Variants in VIL1 observed in about 807,000 individuals in gnomAD.
VIL1 encodes the protein villin 1.
A neutral mutation model predicts 104.0 loss-of-function variants in VIL1; 86 were observed. The ratio of observed to expected loss-of-function variants is 0.83; its 90% CI spans 0.69 to 0.99. VIL1 has a LOEUF of 0.99. Ranked by LOEUF, VIL1 falls within the 50% of genes least tolerant of loss-of-function variation. The pLI is 0.00. For synonymous variants in VIL1, 394 were observed against 412.6 expected (o/e 0.95, Z 0.55); for missense variants, 944 against 1,054.1 (o/e 0.90, Z 1.45).
chr2:218,440,945 A>G, intron 19 of VIL1, 83 bp downstream of exon 19: 1 of 1,538,390 alleles, frequency 6.5e-7, no homozygotes, highest in Non-Finnish European at 8.8e-7. Flanking sequence ...CCTGCAGGTG[A>G]CTAGGTGCTG....
intron 19 of VIL1, among the ~76,000 whole-genome samples, chr2:218,443,490 C>T (rs957611453): frequency 2.0e-5 from 3 of 151,878 alleles, no homozygotes; most frequent in South Asian, 2.1e-4. Context: ...CCACCACGCC[C>T]GGCCAATAAT....
rs777462149 is a variant in VIL1, at chr2:218,434,615, C to T, written c.1590C>T (p.Ala530=). 1.2e-6 allele frequency: 2 copies of T among 1,614,060 alleles called. No homozygotes were observed. Among genetic ancestry groups the T allele is most frequent in the African/African-American group, 2.7e-5 (2 of 74,920 alleles). The part of the protein sequence containing the change: ...VQGTGANNTK[A]FEVPARANFL... ...GAACTGGCGCCAACAACACCAAGGC[C>T]TTTGAGGTCCCAGCGCGGGCCAATT... The change falls in exon 14 of 20, where the codon GCC becomes GCT. Residue 530 remains alanine, a synonymous_variant. Coordinates refer to ENST00000248444, the MANE Select transcript of VIL1 (RefSeq NM_007127.3).
Position 218,425,536 on chromosome 2 carries a change from A to G in VIL1, c.151-79A>G, listed in dbSNP as rs1009200242. On this transcript the variant is annotated intron_variant, in intron 3 of 19. Coordinates refer to ENST00000248444, the MANE Select transcript of VIL1 (RefSeq NM_007127.3). ...ACGCTCCCCCATAGTCCTGGACGGC[A>G]CGTGTGTGGGAGGTCACACAGAGCT... is the stretch of plus-strand genomic sequence containing the variant. The G allele has an allele frequency of 1.3e-5, 19 of 1,461,740 alleles. No individual in the cohort carries two copies. In the African/African-American group the frequency reaches 2.6e-4, roughly 20 times the overall value. 90.5% of individuals were successfully genotyped at this position (1,461,740 alleles called of 1,614,324 possible). A position where few individuals can be genotyped will look rare whatever the true frequency, so the allele number is the denominator to read the frequency against.
chr2:218,450,008 T>C lies in VIL1; in HGVS notation c.*672T>C, dbSNP rs1272418015. The C allele has an allele frequency of 6.6e-6, 1 of 152,252 alleles. No homozygotes were observed. The highest frequency in any genetic ancestry group is 1.5e-5 in the Non-Finnish European group (1 of 68,068). 9.4% of individuals were successfully genotyped at this position (152,252 alleles called of 1,614,324 possible). ...GCAAGAGCCTAGTGAAGGCCAATGC[T>C]AGGTTTACAAACTTACCCAGAAGCC... On this transcript the variant is annotated 3_prime_UTR_variant, in exon 20 of 20. Coordinates refer to ENST00000248444, the MANE Select transcript of VIL1 (RefSeq NM_007127.3).
chr2:218,432,467 T>A, intron 12 of VIL1: 1 of 692,022 alleles, frequency 1.4e-6, no homozygotes, highest in Non-Finnish European at 2.6e-6. Context: ...GAGCAGGGAG[T>A]GTGTCTAGGA....
chr2:218,434,740 A>G (rs1280973506), intron 14 of VIL1, 35 bp downstream of exon 14: 11 of 1,577,590 alleles, frequency 7.0e-6, no homozygotes, highest in Non-Finnish European at 9.5e-6. Context: ...CCCATCCGCA[A>G]GTGGGTCCTG....
chr2:218,421,751 C>G (rs2106389223), intron 1 of VIL1, among the ~76,000 whole-genome samples: 1 of 152,274 alleles, frequency 6.6e-6, no homozygotes, highest in South Asian at 2.1e-4. Flanking sequence ...TTTCAAGTCT[C>G]TGCTCCCCTG....
Position 218,431,119 on chromosome 2 carries a change from C to T in VIL1, c.1102+241C>T, listed in dbSNP as rs528913336. 85 of 581,324 alleles carry T rather than the reference C, an allele frequency of 1.5e-4. No individual in the cohort carries two copies. The East Asian group carries it at 2.3e-3, about 16-fold the overall frequency. 36.0% of individuals were successfully genotyped at this position (581,324 alleles called of 1,614,324 possible). Reference sequence around the variant, plus strand: ...ATCCCAGCACTTTGGGAGGCTGAGGCGGGTGGATCACCTGAGGTCAGGAGT... The same window carrying T: ...ATCCCAGCACTTTGGGAGGCTGAGGTGGGTGGATCACCTGAGGTCAGGAGT... On this transcript the variant is annotated intron_variant, in intron 10 of 19. Transcript: ENST00000248444.
chr2:218,437,235 A>T lies in VIL1; in HGVS notation c.2083A>T (p.Ile695Phe), dbSNP rs752830365. The T allele has an allele frequency of 6.2e-7, 1 of 1,614,166 alleles. No individual in the cohort carries two copies. The highest frequency in any genetic ancestry group is 8.5e-7 in the Non-Finnish European group (1 of 1,180,026). The change falls in exon 17 of 20, where the codon ATC becomes TTC. Residue 695 changes from isoleucine to phenylalanine, a missense_variant. Physicochemically the swap from Ile to Phe is conservative, Grantham distance 21. Coordinates refer to ENST00000248444, the MANE Select transcript of VIL1 (RefSeq NM_007127.3). Reference protein sequence around the residue: ...HPSGRDPETPIIVVKQGHEPP... With the variant: ...HPSGRDPETPFIVVKQGHEPP... Reference sequence around the variant, plus strand: ...CAGCGGGCGTGACCCTGAGACCCCCATCATTGTGGTGAAGCAGGGACACGA... The same window carrying T: ...CAGCGGGCGTGACCCTGAGACCCCCTTCATTGTGGTGAAGCAGGGACACGA...
In VIL1 at chr2:218,428,275, G is replaced by A; in HGVS notation, c.505G>A (p.Asp169Asn). 6.2e-7 allele frequency: 1 copy of A among 1,614,172 alleles called. No homozygotes were observed. The highest frequency in any genetic ancestry group is 8.5e-7 in the Non-Finnish European group (1 of 1,180,022). The change falls in exon 6 of 20, where the codon GAC (aspartate) becomes AAC (asparagine). Residue 169 changes from aspartate (D) to asparagine (N), a missense_variant. Transcript: ENST00000248444. ...CAACCGAGGGGATGTTTTCCTCCTGGACCTTGGGAAGCTTATCATCCAGTG... is the reference window on the plus strand; with the variant it reads ...CAACCGAGGGGATGTTTTCCTCCTGAACCTTGGGAAGCTTATCATCCAGTG... ...SFNRGDVFLLDLGKLIIQWNG... is the reference protein window; with the variant it reads ...SFNRGDVFLLNLGKLIIQWNG...
At chr2:218,431,068 G>C (rs1249905147) in intron 10 of VIL1, 190 bp downstream of exon 10, 1 of 783,722 alleles carries the variant, frequency 1.3e-6, no homozygotes, top group South Asian at 1.9e-5. Flanking sequence ...AGCTGAGAGG[G>C]CTGGGCATGG....
At chr2:218,430,926 G>A in intron 10 of VIL1, 48 bp downstream of exon 10, 1 of 1,577,832 alleles carries the variant, frequency 6.3e-7, no homozygotes, top group Non-Finnish European at 8.6e-7. Context: ...CAGGAGCTGG[G>A]CCAGGAGAGC....
intron 17 of VIL1, among the ~76,000 whole-genome samples, chr2:218,438,177 C>T (rs569573649): frequency 3.3e-5 from 5 of 152,092 alleles, no homozygotes; most frequent in Non-Finnish European, 5.9e-5. Flanking sequence ...CTCATTCATT[C>T]ATTCATTCAT....
At chr2:218,424,429 C>A in intron 3 of VIL1, 78 bp downstream of exon 3, 1 of 1,494,298 alleles carries the variant, frequency 6.7e-7, no homozygotes, top group East Asian at 2.3e-5. Flanking sequence ...GGCTGGGGGC[C>A]GTGGGGAGAG....
intron 4 of VIL1, among the ~76,000 whole-genome samples, chr2:218,427,705 C>T (rs533344378): frequency 7.9e-5 from 12 of 152,210 alleles, no homozygotes; most frequent in Admixed American, 5.2e-4. Context: ...TAGGGCAAGA[C>T]GAGTGAAGAT....
At position 218,429,886 on chromosome 2, in the gene VIL1, A is replaced by G; in HGVS notation, c.887A>G (p.Tyr296Cys). 12 of 1,609,738 alleles carry G rather than the reference A, an allele frequency of 7.5e-6. No individual in the cohort carries two copies. The highest frequency in any genetic ancestry group is 1.0e-5 in the Non-Finnish European group (12 of 1,177,476). Residue 296 changes from tyrosine to cysteine, a missense_variant, in exon 9 of 20, where the codon TAC becomes TGC. Transcript: ENST00000248444. ...YILDQGGLKI[Y>C]VWKGKKANEQ... is the part of the protein sequence containing the mutation. The stretch of plus-strand genomic sequence containing the variant: ...CTGGACCAGGGGGGCCTGAAGATCT[A>G]CGTGTGGAAAGGGAAGAAAGCCAAT...
chr2:218,440,948 A>G, intron 19 of VIL1, 86 bp downstream of exon 19: 12 of 1,530,320 alleles, frequency 7.8e-6, no homozygotes, highest in Non-Finnish European at 9.8e-6. Context: ...GCAGGTGACT[A>G]GGTGCTGGGG....
At chr2:218,437,335 G>A in intron 17 of VIL1, 23 bp downstream of exon 17, 1 of 1,609,316 alleles carries the variant, frequency 6.2e-7, no homozygotes, top group Non-Finnish European at 8.5e-7. Flanking sequence ...ATCCCAGCAT[G>A]TCCTTCTCTA....
Position 218,428,209 on chromosome 2 carries a change from T to G in VIL1, c.457-18T>G. The G allele has an allele frequency of 6.2e-7, 1 of 1,612,360 alleles. No homozygotes were observed. On this transcript the variant is annotated intron_variant, in intron 5 of 19. Transcript: ENST00000248444. ...GTGAGCTCTGAGTGGGGTCTGTGCCTCCCCTGTGGCTCCCTAGGTAGAGAT... is the reference window on the plus strand; with the variant it reads ...GTGAGCTCTGAGTGGGGTCTGTGCCGCCCCTGTGGCTCCCTAGGTAGAGAT...
Sources: gnomAD v4.1 joint callset for allele counts (sites outside exome capture counted in the v4.1 genomes callset) on GRCh38, gnomAD v4.1.1 for gene constraint, MANE v1.5 for transcripts, NCBI Gene and HGNC (gene_info 2026-07-23, HGNC 2026-07-21) for gene names.